Variants in MTMR3 observed in about 807,000 individuals in gnomAD.
MTMR3 encodes the protein phosphatidylinositol-3,5-bisphosphate 3-phosphatase MTMR3.
A neutral mutation model predicts 132.4 loss-of-function variants in MTMR3; 32 were observed. The ratio of observed to expected loss-of-function variants is 0.24; its 90% CI spans 0.18 to 0.32. MTMR3 has a LOEUF of 0.32. Among genes scored for constraint, MTMR3 ranks in the 10% least tolerant of loss-of-function variants. The pLI, the probability that MTMR3 is intolerant of heterozygous loss-of-function variation, is 1.00. For synonymous variants in MTMR3, 556 were observed against 550.3 expected, an observed-to-expected ratio of 1.01 and a Z score of -0.14; for missense variants, 1,216 against 1,489.6, an observed-to-expected ratio of 0.82 and a Z score of 3.02.
intron 2 of MTMR3, among the ~76,000 whole-genome samples, chr22:29,966,736 T>C (rs879726164): frequency 0.1 from 7,669 of 73,482 alleles, 237 homozygotes; most frequent in East Asian, 0.22. Context: ...CGTGTGTGTG[T>C]GTGTGTGTGT....
At chr22:29,956,089 A>G (rs1569023249) in intron 1 of MTMR3, among the ~76,000 whole-genome samples, 1 of 152,084 alleles carries the variant, frequency 6.6e-6, no homozygotes, top group Non-Finnish European at 1.5e-5. Flanking sequence ...ATTCTGAGCA[A>G]TCTTGTTCAT....
intron 1 of MTMR3, among the ~76,000 whole-genome samples, chr22:29,901,692 G>T (rs1320756009): frequency 6.6e-6 from 1 of 152,072 alleles, no homozygotes; most frequent in Non-Finnish European, 1.5e-5. Flanking sequence ...ACAAAATCAT[G>T]CAGTATTTAG....
In MTMR3 at chr22:29,978,561, T is replaced by C. The variant is rs770545306; in HGVS notation, c.93+30T>C. The C allele has an allele frequency of 2.6e-6, 4 of 1,555,476 alleles. No individual in the cohort carries two copies. The Admixed American group carries it at 6.7e-5, about 26-fold the overall frequency. On this transcript the variant is annotated intron_variant, in intron 4 of 19. Transcript: ENST00000401950. The stretch of plus-strand genomic sequence containing the variant: ...TTATAGGCCACTTTTAAATGTAAAA[T>C]ATTTATTTAGCATTAACTGTATAGC...
chr22:29,978,609 A>G, intron 4 of MTMR3, 78 bp downstream of exon 4: 1 of 1,064,410 alleles, frequency 9.4e-7, no homozygotes, highest in Non-Finnish European at 1.4e-6. Flanking sequence ...TTTAAGTGTA[A>G]CGTACTATAT....
chr22:30,015,320 A>G (rs1244383137), intron 14 of MTMR3: 2 of 151,892 alleles, frequency 1.3e-5, no homozygotes, highest in Admixed American at 6.6e-5. Flanking sequence ...CGGCCTTCCA[A>G]AATGCTGGTA....
At chr22:29,913,714 A>G (rs993123488) in intron 1 of MTMR3, among the ~76,000 whole-genome samples, 9 of 150,640 alleles carry the variant, frequency 6.0e-5, no homozygotes, top group African/African-American at 2.0e-4. Context: ...TTACTAGTTA[A>G]TGGATATTGG....
intron 1 of MTMR3, among the ~76,000 whole-genome samples, chr22:29,906,314 A>G (rs11704393): frequency 0.055 from 6,942 of 127,096 alleles, 546 homozygotes; most frequent in African/African-American, 0.17. Context: ...CTATCTATCT[A>G]TCTATCTATC....
intron 7 of MTMR3, chr22:29,995,575 A>G: frequency 6.6e-6 from 1 of 152,232 alleles, no homozygotes; most frequent in East Asian, 1.9e-4. Flanking sequence ...GCTGGACTGT[A>G]TTATTTTTAT....
intron 1 of MTMR3, among the ~76,000 whole-genome samples, chr22:29,907,215 A>G (rs2065120473): frequency 6.6e-6 from 1 of 152,050 alleles, no homozygotes; most frequent in African/African-American, 2.4e-5. Flanking sequence ...CCTGGCTAAC[A>G]GAATGAAACC....
Position 30,007,526 on chromosome 22 carries a change from G to A in MTMR3, c.877+207G>A. On this transcript the variant is annotated intron_variant, in intron 10 of 19. Coordinates refer to ENST00000401950, the MANE Select transcript of MTMR3 (RefSeq NM_021090.4). ...CAAACCTGAATCAAGATATTAGTGTGTTTGTTGTCTTTCTTGCCATTGTGA... is the reference window on the plus strand; with the variant it reads ...CAAACCTGAATCAAGATATTAGTGTATTTGTTGTCTTTCTTGCCATTGTGA... 3 of 614,756 alleles carry A rather than the reference G, an allele frequency of 4.9e-6. No homozygotes were observed. In the South Asian group the frequency reaches 6.1e-5, roughly 13 times the overall value. 38.1% of individuals were successfully genotyped at this position (614,756 alleles called of 1,614,324 possible).
intron 1 of MTMR3, among the ~76,000 whole-genome samples, chr22:29,934,891 A>G (rs2065717454): frequency 6.6e-6 from 1 of 152,248 alleles, no homozygotes; most frequent in Non-Finnish European, 1.5e-5. Flanking sequence ...GCTTTAAAGT[A>G]TGAAAATAAT....
At chr22:29,938,831 T>A (rs114699498) in intron 1 of MTMR3, among the ~76,000 whole-genome samples, 2,853 of 151,430 alleles carry the variant, frequency 0.019, 86 homozygotes, top group African/African-American at 0.065. Context: ...ATTTTATTAT[T>A]TTTTTTTTGA....
chr22:29,913,713 AATGGAT>A, intron 1 of MTMR3, among the ~76,000 whole-genome samples: 1 of 151,126 alleles, frequency 6.6e-6, no homozygotes, highest in East Asian at 1.9e-4. Context: ...TTTACTAGTT[AATGGAT>A]ATTGGGGTTT....
At chr22:29,956,134 G>A (rs2066184812) in intron 1 of MTMR3, among the ~76,000 whole-genome samples, 1 of 152,212 alleles carries the variant, frequency 6.6e-6, no homozygotes, top group African/African-American at 2.4e-5. Context: ...CAGCTCAAAT[G>A]GATGAGTCGT....
chr22:29,942,567 G>A (rs1268138994), intron 1 of MTMR3, among the ~76,000 whole-genome samples: 1 of 152,126 alleles, frequency 6.6e-6, no homozygotes, highest in Non-Finnish European at 1.5e-5. Context: ...GGGAGACTAG[G>A]GCTTATTTCA....
In MTMR3 at chr22:29,961,749, C is replaced by A. The variant is rs147521760; in HGVS notation, c.-85+4661C>A. ...GGCCTTCACACATTCACTCACTACT[C>A]ACTGACATACCCAGAGCAACTTCCA... On this transcript the variant is annotated intron_variant, in intron 2 of 19. Coordinates refer to ENST00000401950, the MANE Select transcript of MTMR3 (RefSeq NM_021090.4). Among the ~76,000 whole-genome samples, 679 of 152,318 alleles carry A rather than the reference C, an allele frequency of 4.5e-3. 6 individuals are homozygous for A. The highest frequency in any genetic ancestry group is 0.015 in the African/African-American group (641 of 41,550).
chr22:29,906,626 G>A (rs763202497), intron 1 of MTMR3, among the ~76,000 whole-genome samples: 11 of 151,814 alleles, frequency 7.2e-5, no homozygotes, highest in Non-Finnish European at 1.6e-4. Flanking sequence ...ATGAACCACC[G>A]TGCCTGGCCT....
At chr22:29,909,268 G>T (rs536918905) in intron 1 of MTMR3, among the ~76,000 whole-genome samples, 34 of 152,120 alleles carry the variant, frequency 2.2e-4, no homozygotes, top group African/African-American at 7.7e-4. Context: ...CAGATTATTT[G>T]CCCTACTCCC....
chr22:29,883,653 C>A (rs1331521073), intron 1 of MTMR3, among the ~76,000 whole-genome samples: 2 of 152,256 alleles, frequency 1.3e-5, no homozygotes, highest in Admixed American at 6.5e-5. Flanking sequence ...CCAGACCTGG[C>A]GGGGATGGGC....
Sources: allele counts gnomAD v4.1 joint callset (sites outside exome capture counted in the v4.1 genomes callset), GRCh38; gene constraint gnomAD v4.1.1; transcripts MANE v1.5; gene names NCBI Gene and HGNC (gene_info 2026-07-23, HGNC 2026-07-21).